The following FGD3 variants were observed in gnomAD, a reference collection of about 807,000 sequenced individuals.
The protein encoded by FGD3 is FYVE, RhoGEF and PH domain containing 3.
FGD3 carries 45 observed loss-of-function variants against 71.8 expected under a neutral mutation model. The observed-to-expected ratio is 0.63, with a 90% confidence interval of 0.49 to 0.80. The LOEUF (loss-of-function observed/expected upper bound fraction) is 0.80, where lower values mean the gene tolerates loss of function less well. Ranked by LOEUF, FGD3 falls within the 30% of genes least tolerant of loss-of-function variation. FGD3 has a pLI of 0.00. For synonymous variants in FGD3, 378 were observed against 392.8 expected (o/e 0.96, Z 0.44); for missense variants, 844 against 951.5 (o/e 0.89, Z 1.49).
chr9:93,012,371 G>A (rs1861445319), intron 8 of FGD3, among the ~76,000 whole-genome samples: 1 of 152,122 alleles, frequency 6.6e-6, no homozygotes, highest in Admixed American at 6.6e-5. Context: ...AACATGTCCA[G>A]GGTCAGCCCC....
At chr9:93,009,091 C>T (rs1861189944) in intron 6 of FGD3, among the ~76,000 whole-genome samples, 1 of 151,876 alleles carries the variant, frequency 6.6e-6, no homozygotes, top group Non-Finnish European at 1.5e-5. Context: ...AGTGAAACCC[C>T]ATCTCTACTA....
rs1021604571 is a variant in FGD3 at position 93,030,096 on chromosome 9, C to T, written c.1680+100C>T. The T allele has an allele frequency of 7.9e-6, 11 of 1,401,076 alleles. No individual in the cohort carries two copies. The Admixed American group carries it at 2.0e-4, about 25-fold the overall frequency. 86.8% of individuals were successfully genotyped at this position (1,401,076 alleles called of 1,614,324 possible). A position where few individuals can be genotyped will look rare whatever the true frequency, so the allele number is the denominator to read the frequency against. ...CCAGCAGCACACCAGCCATGCACAC[C>T]AGCCCTGCACGGAAGGGCTTCCTGA... is the stretch of plus-strand genomic sequence containing the variant. On this transcript the variant is annotated intron_variant, in intron 15 of 17. Coordinates refer to ENST00000375482, the MANE Select transcript of FGD3 (RefSeq NM_001083536.2).
At chr9:92,988,387 C>T (rs1249634609) in intron 3 of FGD3, among the ~76,000 whole-genome samples, 2 of 152,230 alleles carry the variant, frequency 1.3e-5, no homozygotes, top group Non-Finnish European at 1.5e-5. Context: ...ACAAAAACAT[C>T]TGGCATAAAT....
chr9:92,963,733 G>T (rs1587813265), intron 1 of FGD3, among the ~76,000 whole-genome samples: 1 of 152,232 alleles, frequency 6.6e-6, no homozygotes, highest in African/African-American at 2.4e-5. Context: ...AACAATGAGG[G>T]TGCCCTCCTG....
intron 13 of FGD3, 36 bp from the exon 14 acceptor site, chr9:93,022,291 G>A: frequency 6.3e-7 from 1 of 1,596,312 alleles, no homozygotes; most frequent in South Asian, 1.1e-5. Flanking sequence ...CGTGGCCCTG[G>A]AATCTCCTCT....
chr9:93,031,393 C>T (rs367897391), intron 15 of FGD3, among the ~76,000 whole-genome samples: 2 of 152,166 alleles, frequency 1.3e-5, no homozygotes, highest in South Asian at 2.1e-4. Context: ...TTGGAGTGAG[C>T]GTCCTCATGG....
In FGD3 at chr9:93,003,056, A is replaced by G. The variant is rs1860918405; in HGVS notation, c.543+42A>G. 3 of 1,570,396 alleles carry G rather than the reference A, an allele frequency of 1.9e-6. No individual in the cohort carries two copies. In the African/African-American group the frequency reaches 4.0e-5, roughly 21 times the overall value. On this transcript the variant is annotated intron_variant, in intron 4 of 17. Coordinates refer to ENST00000375482, the MANE Select transcript of FGD3 (RefSeq NM_001083536.2). This position sits in a 1 kb window ranked among gnomAD's most constrained non-coding sequence, Gnocchi z 4.1. Reference sequence around the variant, plus strand: ...GGGGGCAGTTTCAGTATCTCTTAGCATTGGCTGGGCATTATAGGTGCAGTG... The same window carrying G: ...GGGGGCAGTTTCAGTATCTCTTAGCGTTGGCTGGGCATTATAGGTGCAGTG...
rs556945484 is a variant in FGD3, at chr9:93,006,420, G to A, written c.837+240G>A. ...GAATCAGCATTCCCATCGGAAAATC[G>A]TGGCTCAAGAGGCTGTGCAAGCTAC... On this transcript the variant is annotated intron_variant, in intron 6 of 17. Transcript: ENST00000375482. 2.6e-5 allele frequency among the ~76,000 whole-genome samples: 4 copies of A among 152,294 alleles called. 1 individual carries two copies. Among genetic ancestry groups the A allele is most frequent in the South Asian group, 4.1e-4 (2 of 4,824 alleles).
At chr9:92,954,668 A>G (rs567350214) in intron 1 of FGD3, among the ~76,000 whole-genome samples, 1 of 152,200 alleles carries the variant, frequency 6.6e-6, no homozygotes, top group Non-Finnish European at 1.5e-5. Context: ...ATGGTTGTTG[A>G]CTGACTGAGT....
At chr9:93,015,925 G>A (rs760202002) in intron 10 of FGD3, 96 bp downstream of exon 10, 93 of 1,087,042 alleles carry the variant, frequency 8.6e-5, no homozygotes, top group Admixed American at 5.5e-4. Flanking sequence ...ACTCACCTCT[G>A]TGCAGCCTGG....
intron 16 of FGD3, chr9:93,033,245 G>A (rs930873067): frequency 8.5e-6 from 3 of 353,224 alleles, no homozygotes; most frequent in African/African-American, 6.4e-5. Context: ...ACCTCCAGCT[G>A]TCAGAGGGTG....
At chr9:93,031,140 G>C (rs1204925503) in intron 15 of FGD3, among the ~76,000 whole-genome samples, 1 of 152,150 alleles carries the variant, frequency 6.6e-6, no homozygotes, top group African/African-American at 2.4e-5. Flanking sequence ...TATGGTAGAG[G>C]ATGGATGGGC....
chr9:92,980,434 A>C (rs991974467), intron 3 of FGD3, among the ~76,000 whole-genome samples: 1 of 152,102 alleles, frequency 6.6e-6, no homozygotes, highest in Non-Finnish European at 1.5e-5. Context: ...TATTGCAGAT[A>C]CCTAATGTAT....
chr9:93,027,010 C>T (rs1170403620), intron 14 of FGD3, among the ~76,000 whole-genome samples: 1 of 152,250 alleles, frequency 6.6e-6, no homozygotes, highest in Admixed American at 6.5e-5. Context: ...CCATTCCCCA[C>T]CTAGTGTGCT....
intron 15 of FGD3, among the ~76,000 whole-genome samples, chr9:93,031,445 G>A (rs2118840232): frequency 6.6e-6 from 1 of 152,332 alleles, no homozygotes. Flanking sequence ...GGTGCCCTCA[G>A]TGACATCACT....
At chr9:92,995,061 G>C (rs553866874) in intron 3 of FGD3, among the ~76,000 whole-genome samples, 4 of 152,106 alleles carry the variant, frequency 2.6e-5, no homozygotes, top group South Asian at 4.1e-4. Flanking sequence ...AAATTACCTT[G>C]GTCAGTATGG....
chr9:93,022,309 C>A lies in FGD3; in HGVS notation c.1495-18C>A, dbSNP rs1256818632. 9 of 1,607,036 alleles carry A rather than the reference C, an allele frequency of 5.6e-6. No homozygotes were observed. The highest frequency in any genetic ancestry group is 1.7e-5 in the Admixed American group (1 of 59,894). On this transcript the variant is annotated intron_variant, in intron 13 of 17. Transcript: ENST00000375482. ...GGCCCTGGAATCTCCTCTCACTCGG[C>A]CTCTGTGTCCCTTCTAGATCACGAG...
intron 14 of FGD3, 91 bp from the exon 15 acceptor site, chr9:93,029,780 CTTT>C: frequency 2.7e-6 from 4 of 1,507,040 alleles, no homozygotes; most frequent in Non-Finnish European, 3.6e-6. Context: ...GCCTGTGTGG[CTTT>C]TACAGTCACG....
chr9:93,029,023 TTTTTTTTTTTTTTTG>T (rs1460808858), intron 14 of FGD3, among the ~76,000 whole-genome samples: 6 of 125,392 alleles, frequency 4.8e-5, no homozygotes, highest in Admixed American at 3.3e-4. Flanking sequence ...TTTTTTTTTT[TTTTTTTTTTTTTTTG>T]AGACAGAATC....
Sources: allele counts gnomAD v4.1 joint callset (sites outside exome capture counted in the v4.1 genomes callset), GRCh38; gene constraint gnomAD v4.1.1; non-coding constraint Gnocchi (gnomAD v3.1); transcripts MANE v1.5; gene names NCBI Gene and HGNC (gene_info 2026-07-23, HGNC 2026-07-21).